BTBD9: variants seen among roughly 807,000 people sequenced by gnomAD.
BTBD9 encodes BTB domain containing 9.
A neutral mutation model predicts 64.3 loss-of-function variants in BTBD9; 49 were observed. The observed-to-expected ratio is 0.76, with a 90% CI of 0.61 to 0.97. The LOEUF (loss-of-function observed/expected upper bound fraction) is 0.97. Ranked by LOEUF, BTBD9 falls within the 50% of genes least tolerant of loss-of-function variation. The pLI is 0.00. For synonymous variants in BTBD9, 260 were observed against 274.7 expected (o/e 0.95, Z 0.53); for missense variants, 598 against 762.1 (o/e 0.78, Z 2.53).
intron 6 of BTBD9, among the ~76,000 whole-genome samples, chr6:38,366,797 T>C (rs566105202): frequency 3.2e-4 from 49 of 152,342 alleles, no homozygotes; most frequent in Non-Finnish European, 6.2e-4. Flanking sequence ...GGCCATTCAC[T>C]AGGAATAGAA....
intron 6 of BTBD9, among the ~76,000 whole-genome samples, chr6:38,543,832 C>T (rs13215050): frequency 0.19 from 28,172 of 151,738 alleles, 2,667 homozygotes; most frequent in East Asian, 0.27. Flanking sequence ...TGGCGGGCGC[C>T]TGTAGTCCCA....
At position 38,592,719 on chromosome 6, in the gene BTBD9, G is replaced by A; in HGVS notation, c.671C>T (p.Ala224Val). ...GAGGCTCATGAGAGGTAAACGCACA[G>A]CCTGCATGATTTCAGCATGATTCTC... ...SKENHAEIMQ[A>V]VRLPLMSLTE... Residue 224 changes from alanine (A) to valine (V), a missense_variant, in exon 4 of 11, where the codon GCT becomes GTT. Transcript: ENST00000481247. 1 of 1,614,206 alleles carries A rather than the reference G, an allele frequency of 6.2e-7. No individual in the cohort carries two copies. The highest frequency in any genetic ancestry group is 8.5e-7 in the Non-Finnish European group (1 of 1,180,034).
intron 1 of BTBD9, among the ~76,000 whole-genome samples, chr6:38,617,994 C>G (rs1777848731): frequency 6.6e-6 from 1 of 152,198 alleles, no homozygotes; most frequent in Admixed American, 6.5e-5. Flanking sequence ...CTTCCTCGGT[C>G]CTCTTTGTGG....
At chr6:38,439,317 G>A (rs1329031081) in intron 6 of BTBD9, among the ~76,000 whole-genome samples, 1 of 150,754 alleles carries the variant, frequency 6.6e-6, no homozygotes, top group Non-Finnish European at 1.5e-5. Flanking sequence ...CAGTAGAGAT[G>A]GTGTTTCACC....
intron 7 of BTBD9, among the ~76,000 whole-genome samples, chr6:38,325,932 A>C (rs1452859227): frequency 6.6e-6 from 1 of 152,224 alleles, no homozygotes; most frequent in Non-Finnish European, 1.5e-5. Context: ...TACAGCAGTG[A>C]ACAAAACAGA....
intron 6 of BTBD9, among the ~76,000 whole-genome samples, chr6:38,464,566 G>A (rs955872743): frequency 1.3e-5 from 2 of 152,050 alleles, no homozygotes; most frequent in African/African-American, 4.8e-5. Context: ...CACAATCTCG[G>A]CTCACTGCAA....
chr6:38,542,540 A>G (rs1774326894), intron 6 of BTBD9, among the ~76,000 whole-genome samples: 1 of 152,150 alleles, frequency 6.6e-6, no homozygotes, highest in African/African-American at 2.4e-5. Flanking sequence ...AGTGCCACCC[A>G]TGAGATCCTA....
intron 6 of BTBD9, among the ~76,000 whole-genome samples, chr6:38,422,432 T>C (rs1017094133): frequency 2.6e-5 from 4 of 152,134 alleles, no homozygotes; most frequent in African/African-American, 4.8e-5. Context: ...CTAAAAACAG[T>C]TGGGGTTATA....
chr6:38,247,396 G>T (rs1561922765), intron 9 of BTBD9, among the ~76,000 whole-genome samples: 2 of 152,224 alleles, frequency 1.3e-5, no homozygotes, highest in Non-Finnish European at 2.9e-5. Context: ...CATTCAGCAA[G>T]GGGACAGACA....
intron 6 of BTBD9, among the ~76,000 whole-genome samples, chr6:38,367,125 C>A (rs576756359): frequency 6.6e-6 from 1 of 152,324 alleles, no homozygotes; most frequent in African/African-American, 2.4e-5. Context: ...ACTTAATGAA[C>A]CACAGTGGCC....
intron 6 of BTBD9, chr6:38,571,653 G>A (rs1013689487): frequency 6.6e-6 from 1 of 152,154 alleles, no homozygotes; most frequent in Non-Finnish European, 1.5e-5. Context: ...ATATTTAGAT[G>A]TTGTGTAAAT....
chr6:38,286,040 T>G (rs1030935849), intron 8 of BTBD9, among the ~76,000 whole-genome samples: 2 of 152,248 alleles, frequency 1.3e-5, no homozygotes, highest in African/African-American at 4.8e-5. Context: ...TTATTTGCTA[T>G]TCGACAGAAG....
At chr6:38,344,867 AAGGCATTTAAATCAACCAGAGTCCTT>A in intron 7 of BTBD9, 91 bp downstream of exon 7, 1 of 542,134 alleles carries the variant, frequency 1.8e-6, no homozygotes, top group South Asian at 4.2e-5. Flanking sequence ...ACCTAGCAAT[AAGGCATTTAAATCAACCAGAGTCCTT>A]AGAACTGATT....
At chr6:38,449,789 T>TA in intron 6 of BTBD9, among the ~76,000 whole-genome samples, 1 of 152,126 alleles carries the variant, frequency 6.6e-6, no homozygotes, top group African/African-American at 2.4e-5. Flanking sequence ...CAAAATGGAT[T>TA]GAAGCCTTAG....
At chr6:38,602,003 A>G (rs1053141598) in intron 1 of BTBD9, among the ~76,000 whole-genome samples, 1 of 152,174 alleles carries the variant, frequency 6.6e-6, no homozygotes, top group Non-Finnish European at 1.5e-5. Flanking sequence ...AAATTATAAA[A>G]CTCCACTGAA....
At chr6:38,440,392 T>C (rs1768973654) in intron 6 of BTBD9, among the ~76,000 whole-genome samples, 2 of 152,140 alleles carry the variant, frequency 1.3e-5, no homozygotes, top group Non-Finnish European at 2.9e-5. Context: ...TGTTAACAAC[T>C]GAATCCAGTG....
intron 9 of BTBD9, among the ~76,000 whole-genome samples, chr6:38,233,253 T>C (rs1300241836): frequency 1.3e-5 from 2 of 152,236 alleles, no homozygotes; most frequent in Non-Finnish European, 2.9e-5. Flanking sequence ...CCTAAATTCA[T>C]TCACTATTTT....
chr6:38,309,613 A>G (rs1470637755), intron 7 of BTBD9, among the ~76,000 whole-genome samples: 2 of 151,726 alleles, frequency 1.3e-5, no homozygotes, highest in East Asian at 2.0e-4. Flanking sequence ...GGGTTTCACC[A>G]TGTTGGCCAG....
At position 38,216,494 on chromosome 6, in the gene BTBD9, C is replaced by T. The variant is rs115511958; in HGVS notation, c.1563-23897G>A. Among the ~76,000 whole-genome samples the T allele has an allele frequency of 6.9e-3, 1,058 of 152,260 alleles. 4 individuals carry two copies. Among genetic ancestry groups the T allele is most frequent in the Non-Finnish European group, 0.011 (772 of 68,022 alleles). On this transcript the variant is annotated intron_variant, in intron 9 of 10. Coordinates refer to ENST00000481247, the MANE Select transcript of BTBD9 (RefSeq NM_001099272.2). The stretch of plus-strand genomic sequence containing the variant: ...ACAGGCTCCCTCTTAAGATCTTAGA[C>T]GTTAGAATTCCCAAGTCTGAGTCCC...
Sources: allele counts gnomAD v4.1 joint callset (sites outside exome capture counted in the v4.1 genomes callset), GRCh38; gene constraint gnomAD v4.1.1; transcripts MANE v1.5; gene names NCBI Gene and HGNC (gene_info 2026-07-23, HGNC 2026-07-21).